The following MNAT1 variants were observed in gnomAD, a reference collection of about 807,000 sequenced individuals.
MNAT1 encodes MNAT1 component of CDK activating kinase, also known as CDK-activating kinase assembly factor MAT1.
A neutral mutation model predicts 42.0 loss-of-function variants in MNAT1; 43 were observed. That is an observed-to-expected ratio of 1.02 (90% CI 0.80 to 1.32). MNAT1 has a LOEUF of 1.32. Among genes scored for constraint, MNAT1 ranks in the 40% most tolerant of loss-of-function variants. The pLI is 0.00. For synonymous variants in MNAT1, 118 were observed against 120.0 expected, an observed-to-expected ratio of 0.98 and a Z score of 0.11; for missense variants, 306 against 350.4, an observed-to-expected ratio of 0.87 and a Z score of 1.01.
At chr14:60,956,886 A>G (rs1474141182) in intron 7 of MNAT1, among the ~76,000 whole-genome samples, 1 of 152,108 alleles carries the variant, frequency 6.6e-6, no homozygotes, top group East Asian at 1.9e-4. Flanking sequence ...TTAAATGTGA[A>G]GTGAGTCTCT....
intron 3 of MNAT1, among the ~76,000 whole-genome samples, chr14:60,804,339 T>A (rs904791340): frequency 1.3e-5 from 2 of 152,224 alleles, no homozygotes; most frequent in Non-Finnish European, 2.9e-5. Flanking sequence ...ACCTGCTTCA[T>A]CTGAAAACTT....
At chr14:60,916,430 G>A (rs1192067266) in intron 7 of MNAT1, among the ~76,000 whole-genome samples, 1 of 152,196 alleles carries the variant, frequency 6.6e-6, no homozygotes, top group African/African-American at 2.4e-5. Context: ...CAAGGCACAA[G>A]GATCGCTTGA....
At chr14:60,857,107 T>C (rs1189319734) in intron 6 of MNAT1, among the ~76,000 whole-genome samples, 2 of 152,236 alleles carry the variant, frequency 1.3e-5, no homozygotes, top group African/African-American at 4.8e-5. Context: ...TGCTGAATAT[T>C]TGAAGCCCAG....
chr14:60,916,402 C>A (rs1270282692), intron 7 of MNAT1, among the ~76,000 whole-genome samples: 3 of 152,224 alleles, frequency 2.0e-5, no homozygotes, highest in Non-Finnish European at 2.9e-5. Context: ...CGCCTGCAAT[C>A]CCAGCACTTT....
intron 1 of MNAT1, among the ~76,000 whole-genome samples, chr14:60,790,530 C>A (rs1357267521): frequency 6.6e-6 from 1 of 151,936 alleles, no homozygotes; most frequent in Non-Finnish European, 1.5e-5. Flanking sequence ...CCTTACTGGA[C>A]CAAACCGATG....
chr14:60,945,141 T>C (rs1594899500), intron 7 of MNAT1, among the ~76,000 whole-genome samples: 1 of 152,238 alleles, frequency 6.6e-6, no homozygotes, highest in South Asian at 2.1e-4. Flanking sequence ...AGCTTAGTAG[T>C]ATACTTTCTT....
chr14:60,885,677 A>G (rs1445075095), intron 7 of MNAT1, among the ~76,000 whole-genome samples: 3 of 151,938 alleles, frequency 2.0e-5, no homozygotes, highest in African/African-American at 7.2e-5. Context: ...TTGGATGTAT[A>G]GTTTGTATAG....
intron 6 of MNAT1, among the ~76,000 whole-genome samples, chr14:60,821,823 T>C (rs1407727142): frequency 1.3e-5 from 2 of 152,208 alleles, no homozygotes; most frequent in East Asian, 3.8e-4. Flanking sequence ...GGACTAAATA[T>C]TGTACTATGT....
intron 1 of MNAT1, among the ~76,000 whole-genome samples, chr14:60,761,796 A>T (rs2030609775): frequency 6.6e-6 from 1 of 152,192 alleles, no homozygotes; most frequent in African/African-American, 2.4e-5. Flanking sequence ...TTCTTTCCTT[A>T]TCAAGTGTAA....
At chr14:60,896,725 A>T (rs1021759399) in intron 7 of MNAT1, among the ~76,000 whole-genome samples, 5 of 152,108 alleles carry the variant, frequency 3.3e-5, no homozygotes, top group East Asian at 1.9e-4. Context: ...ACCCCACGTG[A>T]TCCACACGCC....
chr14:60,925,111 T>C (rs1331671646), intron 7 of MNAT1, among the ~76,000 whole-genome samples: 3 of 152,220 alleles, frequency 2.0e-5, no homozygotes, highest in Non-Finnish European at 2.9e-5. Flanking sequence ...TGGGCCTACA[T>C]TGAATGTGTA....
At chr14:60,765,328 C>T (rs187093625) in intron 1 of MNAT1, among the ~76,000 whole-genome samples, 1 of 152,038 alleles carries the variant, frequency 6.6e-6, no homozygotes, top group Non-Finnish European at 1.5e-5. Context: ...ATAATGAGAA[C>T]ACATGGACAC....
chr14:60,962,005 G>A (rs181314604), intron 7 of MNAT1, among the ~76,000 whole-genome samples: 2 of 152,212 alleles, frequency 1.3e-5, no homozygotes, highest in East Asian at 3.9e-4. Flanking sequence ...TTTCCAAGAA[G>A]TGACACTTGT....
chr14:60,830,514 C>A (rs1326932267), intron 6 of MNAT1, among the ~76,000 whole-genome samples: 1 of 152,110 alleles, frequency 6.6e-6, no homozygotes, highest in Non-Finnish European at 1.5e-5. Context: ...GTCCGGCTGC[C>A]ACAAATGTTT....
At chr14:60,918,735 A>AATATATATATAT (rs140364759) in intron 7 of MNAT1, among the ~76,000 whole-genome samples, 8 of 18,426 alleles carry the variant, frequency 4.3e-4, no homozygotes, top group Admixed American at 2.2e-3. Flanking sequence ...TCCAGATGAG[A>AATATATATATAT]ATATATATAT....
intron 1 of MNAT1, among the ~76,000 whole-genome samples, chr14:60,787,398 C>G (rs559429626): frequency 3.3e-5 from 5 of 152,110 alleles, no homozygotes; most frequent in South Asian, 2.1e-4. Context: ...TCTGAGCCTT[C>G]GAAAGTGACT....
intron 3 of MNAT1, among the ~76,000 whole-genome samples, chr14:60,800,055 C>T (rs2032153560): frequency 6.6e-6 from 1 of 152,076 alleles, no homozygotes; most frequent in Non-Finnish European, 1.5e-5. Context: ...CTCACTGATA[C>T]CCACAGCATA....
chr14:60,772,907 T>A (rs926041104), intron 1 of MNAT1, among the ~76,000 whole-genome samples: 31 of 149,154 alleles, frequency 2.1e-4, no homozygotes, highest in African/African-American at 6.9e-4. Flanking sequence ...TTTTTTTAAT[T>A]TTTTAAAACA....
intron 1 of MNAT1, among the ~76,000 whole-genome samples, chr14:60,759,797 T>C (rs2030520162): frequency 6.6e-6 from 1 of 152,236 alleles, no homozygotes; most frequent in African/African-American, 2.4e-5. Context: ...AAAACTGCTT[T>C]ATGCATAATA....
Sources: allele counts gnomAD v4.1 joint callset (sites outside exome capture counted in the v4.1 genomes callset), GRCh38; gene constraint gnomAD v4.1.1; transcripts MANE v1.5; gene names NCBI Gene and HGNC (gene_info 2026-07-23, HGNC 2026-07-21).